RAB11FIP3: variants seen among roughly 807,000 people sequenced by gnomAD.
The protein encoded by RAB11FIP3 is RAB11 family interacting protein 3.
A neutral mutation model predicts 77.8 loss-of-function variants in RAB11FIP3; 17 were observed. The ratio of observed to expected loss-of-function variants is 0.22; its 90% CI spans 0.15 to 0.33. The LOEUF is 0.33. Among genes scored for constraint, RAB11FIP3 ranks in the 10% least tolerant of loss-of-function variants. RAB11FIP3 has a pLI of 1.00. For synonymous variants in RAB11FIP3, 437 were observed against 448.2 expected (o/e 0.98, Z 0.31); for missense variants, 1,005 against 1,011.2 (o/e 0.99, Z 0.08).
Position 461,552 on chromosome 16 carries a change from C to T in RAB11FIP3, c.808+55C>T, listed in dbSNP as rs572603708. The T allele has an allele frequency of 6.0e-5, 85 of 1,422,704 alleles. 2 individuals carry two copies. The South Asian group carries it at 9.6e-4, about 16-fold the overall frequency. 88.1% of individuals were successfully genotyped at this position (1,422,704 alleles called of 1,614,324 possible). On this transcript the variant is annotated intron_variant, in intron 2 of 13. Transcript: ENST00000262305. The surrounding 1 kb of genome is among the most constrained non-coding windows in gnomAD (Gnocchi z 4.5). Reference sequence around the variant, plus strand: ...TCCTCTCCCGTTCCTCAGCCACCCTCTCAGCCACCTGCACATCACCAGGCT... The same window carrying T: ...TCCTCTCCCGTTCCTCAGCCACCCTTTCAGCCACCTGCACATCACCAGGCT...
At chr16:496,696 G>A (rs911793926) in intron 5 of RAB11FIP3, 128 bp from the exon 6 acceptor site, 15 of 862,230 alleles carry the variant, frequency 1.7e-5, no homozygotes, top group Non-Finnish European at 2.7e-5. Flanking sequence ...TGCCTGGGGG[G>A]CCCTGCATGC....
intron 1 of RAB11FIP3, among the ~76,000 whole-genome samples, chr16:443,327 T>C (rs1209227725): frequency 6.6e-6 from 1 of 152,112 alleles, no homozygotes; most frequent in South Asian, 2.1e-4. Flanking sequence ...TCATGCACGC[T>C]TAAAATAAAA....
At chr16:449,128 C>T (rs1310486168) in intron 1 of RAB11FIP3, among the ~76,000 whole-genome samples, 1 of 152,110 alleles carries the variant, frequency 6.6e-6, no homozygotes, top group Non-Finnish European at 1.5e-5. Context: ...CCTCCAACCT[C>T]ACTTCCAGCT....
At chr16:431,125 A>G (rs1474585157) in intron 1 of RAB11FIP3, among the ~76,000 whole-genome samples, 1 of 151,816 alleles carries the variant, frequency 6.6e-6, no homozygotes, top group East Asian at 1.9e-4. Flanking sequence ...TGTGTGTAAT[A>G]TGTGTGTGCG....
intron 9 of RAB11FIP3, among the ~76,000 whole-genome samples, chr16:517,080 G>T (rs2032449149): frequency 6.6e-6 from 1 of 152,164 alleles, no homozygotes; most frequent in Admixed American, 6.5e-5. Context: ...CCCTGATACG[G>T]TGTGACGGGA....
rs1186948953 is a variant in RAB11FIP3 at position 488,949 on chromosome 16, C to A, written c.1214C>A (p.Thr405Asn). The A allele has an allele frequency of 5.0e-6, 8 of 1,614,072 alleles. No individual in the cohort carries two copies. Among genetic ancestry groups the A allele is most frequent in the Non-Finnish European group, 5.1e-6 (6 of 1,180,024 alleles). The change falls in exon 5 of 14, where the codon ACC becomes AAC. Residue 405 changes from threonine (T) to asparagine (N), a missense_variant. Thr to Asn is a moderately conservative substitution (Grantham distance 65, BLOSUM62 0). Transcript: ENST00000262305. ...EGSEAELSPE[T>N]LCNGQLGCSD... ...AGTGAGGCGGAGCTGTCCCCAGAGA[C>A]CCTATGCAACGGGCAGCTGGGCTGC...
chr16:433,855 CAAAAA>C (rs201789059), intron 1 of RAB11FIP3, among the ~76,000 whole-genome samples: 3 of 70,568 alleles, frequency 4.3e-5, no homozygotes, highest in African/African-American at 5.4e-5. Flanking sequence ...GACTCTGTCT[CAAAAA>C]AAAAAAAAAA....
intron 1 of RAB11FIP3, among the ~76,000 whole-genome samples, chr16:455,791 A>G (rs956141872): frequency 1.3e-4 from 20 of 152,028 alleles, no homozygotes; most frequent in Admixed American, 2.0e-4. Context: ...AGGTTTCACC[A>G]TGTTGCCCAG....
In RAB11FIP3 at chr16:506,195, G is replaced by A. The variant is rs1166272648; in HGVS notation, c.1499+568G>A. The stretch of plus-strand genomic sequence containing the variant: ...GCTGCTTGCCTCACTCTGGTTTGCA[G>A]ACTTTTCTTAGAATACCGTGTAATT... On this transcript the variant is annotated intron_variant, in intron 8 of 13. Coordinates refer to ENST00000262305, the MANE Select transcript of RAB11FIP3 (RefSeq NM_014700.4). This position sits in a 1 kb window ranked among gnomAD's most constrained non-coding sequence, Gnocchi z 4.5. Among the ~76,000 whole-genome samples the A allele has an allele frequency of 6.6e-6, 1 of 152,192 alleles. No individual in the cohort carries two copies. Among genetic ancestry groups the A allele is most frequent in the East Asian group, 1.9e-4 (1 of 5,188 alleles).
chr16:472,104 G>C lies in RAB11FIP3; in HGVS notation c.903+715G>C, dbSNP rs1044021933. 2.0e-5 allele frequency among the ~76,000 whole-genome samples: 3 copies of C among 152,192 alleles called. No homozygotes were observed. In the East Asian group the frequency reaches 5.8e-4, roughly 29 times the overall value. On this transcript the variant is annotated intron_variant, in intron 3 of 13. Coordinates refer to ENST00000262305, the MANE Select transcript of RAB11FIP3 (RefSeq NM_014700.4). This position sits in a 1 kb window ranked among gnomAD's most constrained non-coding sequence, Gnocchi z 4.1. ...CTGAGCTGCTGGCCGGTAGGGCCTG[G>C]GCTTCTCATGTCAGTCCTCTGAGCC... is the stretch of plus-strand genomic sequence containing the variant.
At position 507,884 on chromosome 16, in the gene RAB11FIP3, G is replaced by C. The variant is rs999124794; in HGVS notation, c.1499+2257G>C. Among the ~76,000 whole-genome samples the C allele has an allele frequency of 1.3e-5, 2 of 152,034 alleles. No homozygotes were observed. The highest frequency in any genetic ancestry group is 2.9e-5 in the Non-Finnish European group (2 of 67,996). On this transcript the variant is annotated intron_variant, in intron 8 of 13. Transcript: ENST00000262305. This position sits in a 1 kb window ranked among gnomAD's most constrained non-coding sequence, Gnocchi z 4.6. ...ATTTGCTCTCTAGCCCTACCATACA[G>C]CTGCCATCCTAAGAGTACGTTTCCC...
chr16:478,808 A>C (rs1043122031), intron 3 of RAB11FIP3, among the ~76,000 whole-genome samples: 5 of 152,002 alleles, frequency 3.3e-5, no homozygotes, highest in African/African-American at 1.2e-4. Flanking sequence ...TCTACAAAAA[A>C]TACAAAAATT....
chr16:519,726 C>T (rs747375929), intron 10 of RAB11FIP3, 28 bp from the exon 11 acceptor site: 2 of 1,608,220 alleles, frequency 1.2e-6, no homozygotes, highest in Non-Finnish European at 8.5e-7. Context: ...GCGTGACCCG[C>T]ATCCAGGGCA....
intron 1 of RAB11FIP3, among the ~76,000 whole-genome samples, chr16:435,347 T>C (rs1012079040): frequency 3.3e-5 from 5 of 152,326 alleles, no homozygotes; most frequent in Admixed American, 2.6e-4. Context: ...CAAGCACTTA[T>C]TTTGTTTAAA....
At chr16:457,933 T>C (rs1178443471) in intron 1 of RAB11FIP3, among the ~76,000 whole-genome samples, 1 of 152,222 alleles carries the variant, frequency 6.6e-6, no homozygotes, top group Non-Finnish European at 1.5e-5. Context: ...AGTGGGGAGA[T>C]GTTTTATAAA....
intron 9 of RAB11FIP3, among the ~76,000 whole-genome samples, chr16:511,744 G>A (rs1222749541): frequency 5.1e-5 from 4 of 78,774 alleles, no homozygotes; most frequent in Non-Finnish European, 8.5e-5. Context: ...TTGACAGACC[G>A]CCCACCCCAG....
intron 6 of RAB11FIP3, among the ~76,000 whole-genome samples, chr16:502,474 G>A (rs1295243301): frequency 2.6e-5 from 4 of 152,272 alleles, no homozygotes; most frequent in Middle Eastern, 3.4e-3. Flanking sequence ...CAGTGTGTCC[G>A]TGAGGGTGAC....
At chr16:427,788 G>A (rs1243331786) in intron 1 of RAB11FIP3, among the ~76,000 whole-genome samples, 1 of 152,086 alleles carries the variant, frequency 6.6e-6, no homozygotes, top group Non-Finnish European at 1.5e-5. Context: ...TGCTATTTAG[G>A]GTGTCAGTCA....
chr16:453,814 C>T (rs1411050699), intron 1 of RAB11FIP3, among the ~76,000 whole-genome samples: 2 of 151,870 alleles, frequency 1.3e-5, no homozygotes, highest in African/African-American at 4.8e-5. Flanking sequence ...AGGCTGGTCT[C>T]GAACTCCAGA....
Sources: gnomAD v4.1 joint callset for allele counts (sites outside exome capture counted in the v4.1 genomes callset) on GRCh38, gnomAD v4.1.1 for gene constraint, Gnocchi (gnomAD v3.1) non-coding constraint, MANE v1.5 for transcripts, NCBI Gene and HGNC (gene_info 2026-07-23, HGNC 2026-07-21) for gene names.